RAB10: variants seen among roughly 807,000 people sequenced by gnomAD.
RAB10 encodes RAB10, member RAS oncogene family, also known as ras-related protein Rab-10.
Under a neutral mutation model 25.7 loss-of-function variants are expected in RAB10, and 5 were observed. That is an observed-to-expected ratio of 0.19 (90% confidence interval 0.10 to 0.41). The LOEUF (loss-of-function observed/expected upper bound fraction) is 0.41. RAB10 is among the 10% of genes least tolerant of loss of function. The probability of loss-of-function intolerance (pLI) is 1.00; values close to 1 mark genes in which losing one functional copy is unlikely to be tolerated. For synonymous variants in RAB10, 89 were observed against 86.4 expected (o/e 1.03, Z -0.16); for missense variants, 103 against 245.8 (o/e 0.42, Z 3.89).
At chr2:26,132,584 T>C (rs1328450279) in intron 5 of RAB10, among the ~76,000 whole-genome samples, 1 of 152,196 alleles carries the variant, frequency 6.6e-6, no homozygotes, top group Non-Finnish European at 1.5e-5. Flanking sequence ...CACTTTTACA[T>C]TTCCTTTTCT....
At chr2:26,127,455 T>C (rs1442109640) in intron 4 of RAB10, among the ~76,000 whole-genome samples, 2 of 152,232 alleles carry the variant, frequency 1.3e-5, no homozygotes, top group Non-Finnish European at 2.9e-5. Context: ...TAGCCTTATT[T>C]AAACTACAAA....
chr2:26,087,776 G>A (rs1261515754), intron 1 of RAB10, among the ~76,000 whole-genome samples: 2 of 152,176 alleles, frequency 1.3e-5, no homozygotes, highest in Non-Finnish European at 2.9e-5. Context: ...TTATCCTGAG[G>A]TTTTAATGAG....
chr2:26,107,598 C>A (rs972541932), intron 2 of RAB10, among the ~76,000 whole-genome samples: 1 of 151,930 alleles, frequency 6.6e-6, no homozygotes, highest in Non-Finnish European at 1.5e-5. Context: ...GAGTTTGAGA[C>A]GAGCCTGGCC....
At chr2:26,042,738 T>A (rs1665918409) in intron 1 of RAB10, 1 of 151,890 alleles carries the variant, frequency 6.6e-6, no homozygotes, top group South Asian at 2.1e-4. Flanking sequence ...GTATGGTCCC[T>A]GCGCAAGGAT....
rs188328363 is a variant in RAB10, at chr2:26,067,087, T to C, written c.128-31575T>C. ...GTGAGCCACCATGCCGCTCTATTTT[T>C]TGTATTTTTTGTAGAGACGGGGTCT... On this transcript the variant is annotated intron_variant, in intron 1 of 5. Coordinates refer to ENST00000264710, the MANE Select transcript of RAB10 (RefSeq NM_016131.5). Among the ~76,000 whole-genome samples, 4 of 152,160 alleles carry C rather than the reference T, an allele frequency of 2.6e-5. No homozygotes were observed. In the East Asian group the frequency reaches 7.7e-4, roughly 29 times the overall value.
chr2:26,133,894 G>A (rs904622115), intron 5 of RAB10, among the ~76,000 whole-genome samples: 3 of 152,114 alleles, frequency 2.0e-5, no homozygotes, highest in African/African-American at 2.4e-5. Context: ...GGCTGGTCTC[G>A]AACTCCTGAC....
chr2:26,096,422 C>CTGGATGGA (rs1331341053), intron 1 of RAB10, among the ~76,000 whole-genome samples: 27 of 83,258 alleles, frequency 3.2e-4, no homozygotes, highest in African/African-American at 1.0e-3. Flanking sequence ...GGATGGATGG[C>CTGGATGGA]TGGCTGGCTG....
At chr2:26,079,434 A>C (rs894778040) in intron 1 of RAB10, among the ~76,000 whole-genome samples, 1 of 152,064 alleles carries the variant, frequency 6.6e-6, no homozygotes, top group Non-Finnish European at 1.5e-5. Context: ...TTGAAGAAAG[A>C]AGTTGAAAGG....
At chr2:26,094,972 C>G (rs1667181619) in intron 1 of RAB10, among the ~76,000 whole-genome samples, 1 of 152,150 alleles carries the variant, frequency 6.6e-6, no homozygotes, top group African/African-American at 2.4e-5. Flanking sequence ...TTTAATGTTT[C>G]TTAATTTAAT....
chr2:26,105,386 C>G (rs1667446920), intron 2 of RAB10, among the ~76,000 whole-genome samples: 2 of 152,136 alleles, frequency 1.3e-5, no homozygotes, highest in African/African-American at 2.4e-5. Flanking sequence ...CACAATGGCT[C>G]ACACCTGTAA....
chr2:26,110,792 G>C (rs1667553957), intron 3 of RAB10, among the ~76,000 whole-genome samples: 1 of 151,956 alleles, frequency 6.6e-6, no homozygotes, highest in Non-Finnish European at 1.5e-5. Flanking sequence ...TGCAATCTCT[G>C]CTTTCTGGGT....
At position 26,136,918 on chromosome 2, in the gene RAB10, T is replaced by C. The variant is rs1435235079; in HGVS notation, c.*1897T>C. 1.3e-5 allele frequency: 2 copies of C among 152,776 alleles called. No individual in the cohort carries two copies. Among genetic ancestry groups the C allele is most frequent in the East Asian group, 3.8e-4 (2 of 5,196 alleles). 9.5% of individuals were successfully genotyped at this position (152,776 alleles called of 1,614,324 possible). A position where few individuals can be genotyped will look rare whatever the true frequency, so the allele number is the denominator to read the frequency against. On this transcript the variant is annotated 3_prime_UTR_variant, in exon 6 of 6. Transcript: ENST00000264710. ...ATAATCCCTAATTTTCCACTAAAAA[T>C]ATAATGAAATGATGTTAAGCTTTTT...
At chr2:26,084,886 T>G (rs991050403) in intron 1 of RAB10, among the ~76,000 whole-genome samples, 6 of 152,198 alleles carry the variant, frequency 3.9e-5, no homozygotes, top group African/African-American at 1.4e-4. Flanking sequence ...TAACTTTTCT[T>G]ATAAGCCTGA....
intron 1 of RAB10, among the ~76,000 whole-genome samples, chr2:26,060,008 G>T (rs947568533): frequency 2.1e-4 from 32 of 152,146 alleles, no homozygotes; most frequent in Non-Finnish European, 4.3e-4. Context: ...TACCATCATG[G>T]TCATGTTCTA....
At chr2:26,039,015 CTTT>C (rs70950162) in intron 1 of RAB10, among the ~76,000 whole-genome samples, 14 of 108,912 alleles carry the variant, frequency 1.3e-4, no homozygotes, top group Admixed American at 3.2e-4. Flanking sequence ...TTAATAGCCA[CTTT>C]TTTTTTTTTT....
chr2:26,088,019 G>A (rs554211676), intron 1 of RAB10, among the ~76,000 whole-genome samples: 224 of 152,152 alleles, frequency 1.5e-3, no homozygotes, highest in Non-Finnish European at 2.2e-3. Context: ...ATGCCTAAGC[G>A]GCATTCAAAC....
intron 2 of RAB10, among the ~76,000 whole-genome samples, chr2:26,108,764 G>A (rs1667514225): frequency 6.6e-6 from 1 of 152,058 alleles, no homozygotes; most frequent in Admixed American, 6.6e-5. Context: ...GCACAGTTTT[G>A]TAACTTCCTG....
At chr2:26,115,166 G>A (rs1417724407) in intron 3 of RAB10, among the ~76,000 whole-genome samples, 3 of 152,154 alleles carry the variant, frequency 2.0e-5, no homozygotes, top group Non-Finnish European at 1.5e-5. Context: ...CAGCTGGTTT[G>A]GAAGATATTT....
At chr2:26,096,255 C>T (rs4665306) in intron 1 of RAB10, among the ~76,000 whole-genome samples, 117,184 of 152,102 alleles carry the variant, frequency 0.77, 45,178 homozygotes, top group East Asian at 0.87. Flanking sequence ...CATTTATTGC[C>T]TTCAAGTCAA....
Sources: gnomAD v4.1 joint callset for allele counts (sites outside exome capture counted in the v4.1 genomes callset) on GRCh38, gnomAD v4.1.1 for gene constraint, MANE v1.5 for transcripts, NCBI Gene and HGNC (gene_info 2026-07-23, HGNC 2026-07-21) for gene names.